The following PVT1 variants were observed in gnomAD, a reference collection of about 807,000 sequenced individuals.
PVT1 encodes CXCR4/PVT1 fusion.
chr8:128,073,059 C>G (rs1203517798), intron 5 of PVT1, among the ~76,000 whole-genome samples: 1 of 152,020 alleles, frequency 6.6e-6, no homozygotes, highest in Non-Finnish European at 1.5e-5. Context: ...GTCTCGAACT[C>G]CTGACCTCGA....
At chr8:128,099,308 G>T (rs1814470393) in intron 6 of PVT1, 1 of 152,272 alleles carries the variant, frequency 6.6e-6, no homozygotes, top group South Asian at 2.1e-4. Flanking sequence ...AGACCTCTAG[G>T]TCAAAGCCAG....
chr8:127,878,543 T>TTCCCTCTCTTC (rs533585482), intron 2 of PVT1, among the ~76,000 whole-genome samples: 123 of 152,316 alleles, frequency 8.1e-4, no homozygotes, highest in African/African-American at 2.6e-3. Flanking sequence ...TCCCTCTTTT[T>TTCCCTCTCTTC]TCCCTCTCTT....
chr8:127,984,721 C>G (rs932260774), intron 3 of PVT1, among the ~76,000 whole-genome samples: 1 of 152,150 alleles, frequency 6.6e-6, no homozygotes, highest in African/African-American at 2.4e-5. Context: ...ATTCTCCTGC[C>G]TCAGCCACCC....
chr8:127,842,310 A>G (rs1003703255), intron 2 of PVT1, among the ~76,000 whole-genome samples: 3 of 151,250 alleles, frequency 2.0e-5, no homozygotes, highest in African/African-American at 7.3e-5. Flanking sequence ...GCTGGAGTGC[A>G]GAAGTACAAT....
chr8:127,986,652 T>C (rs1816973940), intron 3 of PVT1, among the ~76,000 whole-genome samples: 1 of 152,158 alleles, frequency 6.6e-6, no homozygotes, highest in Non-Finnish European at 1.5e-5. Context: ...GGCCTGTCAC[T>C]CTGTGGGTGG....
intron 4 of PVT1, among the ~76,000 whole-genome samples, chr8:128,027,284 C>T (rs936400270): frequency 2.0e-5 from 3 of 152,176 alleles, no homozygotes; most frequent in African/African-American, 7.2e-5. Flanking sequence ...CTTAGCTGGA[C>T]ACCTAGAGTG....
chr8:127,879,874 C>A (rs140797675), intron 2 of PVT1, among the ~76,000 whole-genome samples: 1 of 152,364 alleles, frequency 6.6e-6, no homozygotes, highest in Non-Finnish European at 1.5e-5. Context: ...GCGCACCCTT[C>A]TCATGGAGAT....
chr8:127,811,979 T>G (rs1219988628), intron 2 of PVT1, among the ~76,000 whole-genome samples: 1 of 152,048 alleles, frequency 6.6e-6, no homozygotes, highest in Non-Finnish European at 1.5e-5. Context: ...TGGCGGCTCG[T>G]GCCTGTAATC....
chr8:128,029,528 G>A (rs1813363483), intron 4 of PVT1, among the ~76,000 whole-genome samples: 1 of 152,186 alleles, frequency 6.6e-6, no homozygotes, highest in Non-Finnish European at 1.5e-5. Context: ...GCGGTCGGGT[G>A]CGGTGGCTCA....
chr8:127,934,081 A>G (rs1014759733), intron 3 of PVT1, among the ~76,000 whole-genome samples: 1 of 152,190 alleles, frequency 6.6e-6, no homozygotes, highest in East Asian at 1.9e-4. Context: ...CCTTTTCACT[A>G]TCCTTTGATG....
intron 5 of PVT1, among the ~76,000 whole-genome samples, chr8:128,088,141 C>T (rs1367825790): frequency 6.6e-6 from 1 of 152,112 alleles, no homozygotes; most frequent in African/African-American, 2.4e-5. Context: ...AGAAAATATT[C>T]TGAGTAAGCA....
intron 6 of PVT1, among the ~76,000 whole-genome samples, chr8:128,100,342 C>T (rs1295278998): frequency 6.6e-6 from 1 of 152,110 alleles, no homozygotes; most frequent in African/African-American, 2.4e-5. Flanking sequence ...TCCTGGAGAT[C>T]GATGCATCCA....
intron 4 of PVT1, among the ~76,000 whole-genome samples, chr8:128,019,096 A>G (rs1909458): frequency 0.66 from 99,794 of 152,022 alleles, 33,290 homozygotes; most frequent in African/African-American, 0.77. Flanking sequence ...AGCGTTTCCC[A>G]CCTGCCAGAG....
At chr8:127,887,063 G>T (rs975155925) in intron 2 of PVT1, among the ~76,000 whole-genome samples, 2 of 152,118 alleles carry the variant, frequency 1.3e-5, no homozygotes, top group Non-Finnish European at 2.9e-5. Flanking sequence ...GGCTTTAACT[G>T]GGCTACTCCA....
In PVT1 at chr8:127,986,928, A is replaced by T. The variant is rs2392884; in HGVS notation, n.783-2234A>T. On this transcript the variant is annotated intron_variant and non_coding_transcript_variant, in intron 3 of 10. Coordinates refer to ENST00000651587, the Ensembl canonical transcript of PVT1. ...CAACGTGCTGGGTTATTGCAACCCC[A>T]TCTCCCCAGCCCCTTACAAGGAGGA... 9.9e-5 allele frequency among the ~76,000 whole-genome samples: 15 copies of T among 152,108 alleles called. 1 individual carries two copies. Among genetic ancestry groups the T allele is most frequent in the Non-Finnish European group, 5.9e-5 (4 of 68,030 alleles).
At chr8:128,034,183 C>G (rs1410636861) in intron 4 of PVT1, among the ~76,000 whole-genome samples, 1 of 149,640 alleles carries the variant, frequency 6.7e-6, no homozygotes, top group African/African-American at 2.5e-5. Flanking sequence ...TCTCCTCCTT[C>G]TCCTCCTCCT....
At chr8:128,087,747 C>CTTTTTTTTTTTTTTTTTTTTTTTTTTT (rs71568675) in intron 5 of PVT1, among the ~76,000 whole-genome samples, 3 of 76,610 alleles carry the variant, frequency 3.9e-5, no homozygotes, top group African/African-American at 1.5e-4. Context: ...TGATGTGCTA[C>CTTTTTTTTTTTTTTTTTTTTTTTTTTT]TTTTTTTTTT....
chr8:128,024,468 T>A (rs1817471418), intron 4 of PVT1, among the ~76,000 whole-genome samples: 1 of 150,210 alleles, frequency 6.7e-6, no homozygotes, highest in African/African-American at 2.5e-5. Context: ...ACAAAAAAAA[T>A]AACGGAAATT....
At chr8:127,994,279 T>C (rs1817078478) in intron 4 of PVT1, among the ~76,000 whole-genome samples, 1 of 152,182 alleles carries the variant, frequency 6.6e-6, no homozygotes, top group Non-Finnish European at 1.5e-5. Context: ...GTTTGGGATC[T>C]CGCCTGGAAA....
Sources: allele counts gnomAD v4.1 joint callset (sites outside exome capture counted in the v4.1 genomes callset), GRCh38; gene constraint gnomAD v4.1.1; transcripts MANE v1.5; gene names NCBI Gene and HGNC (gene_info 2026-07-23, HGNC 2026-07-21).